Variants in CTNNBL1 observed in about 807,000 individuals in gnomAD.
CTNNBL1 encodes the protein catenin beta like 1, also known as beta-catenin-like protein 1.
CTNNBL1 carries 31 observed loss-of-function variants against 72.7 expected under a neutral mutation model. The observed-to-expected ratio is 0.43, with a 90% CI of 0.32 to 0.58. CTNNBL1 has a LOEUF of 0.58. Ranked by LOEUF, CTNNBL1 falls within the 20% of genes least tolerant of loss-of-function variation. CTNNBL1 has a pLI of 0.08. For missense variants in CTNNBL1, 534 were observed against 725.1 expected (o/e 0.74, Z 3.03); for synonymous variants, 240 against 267.3 (o/e 0.90, Z 1.00).
chr20:37,733,663 C>G (rs2073148911), intron 2 of CTNNBL1, among the ~76,000 whole-genome samples: 2 of 152,204 alleles, frequency 1.3e-5, no homozygotes, highest in Admixed American at 6.5e-5. Flanking sequence ...TCTTCACATT[C>G]AGGTCTCAGT....
intron 3 of CTNNBL1, among the ~76,000 whole-genome samples, chr20:37,741,267 A>C (rs150274272): frequency 1.8e-4 from 27 of 152,296 alleles, no homozygotes; most frequent in African/African-American, 6.3e-4. Flanking sequence ...CTCTGCAAAT[A>C]GTAGTGTGTG....
chr20:37,738,453 C>CA (rs937655225), intron 3 of CTNNBL1, among the ~76,000 whole-genome samples: 7 of 152,232 alleles, frequency 4.6e-5, no homozygotes, highest in Non-Finnish European at 1.5e-5. Context: ...ATCTTTCAGT[C>CA]AGTCTTGAAT....
intron 12 of CTNNBL1, among the ~76,000 whole-genome samples, chr20:37,841,930 A>G (rs2122816561): frequency 6.6e-6 from 1 of 152,302 alleles, no homozygotes; most frequent in East Asian, 1.9e-4. Flanking sequence ...TCTGAACATG[A>G]AAGGTTTCAG....
intron 6 of CTNNBL1, 135 bp from the exon 7 acceptor site, chr20:37,767,818 A>G (rs1289919804): frequency 2.9e-6 from 2 of 680,720 alleles, no homozygotes; most frequent in Non-Finnish European, 5.3e-6. Flanking sequence ...TAATCTGAAA[A>G]TGACAACCCA....
At chr20:37,763,220 GT>G (rs1568769230) in intron 5 of CTNNBL1, among the ~76,000 whole-genome samples, 1 of 152,160 alleles carries the variant, frequency 6.6e-6, no homozygotes, top group African/African-American at 2.4e-5. Context: ...CCCCCCAGAT[GT>G]TTTTCTGTTT....
intron 11 of CTNNBL1, among the ~76,000 whole-genome samples, chr20:37,812,499 A>G (rs1286896878): frequency 6.6e-6 from 1 of 152,228 alleles, no homozygotes; most frequent in Non-Finnish European, 1.5e-5. Context: ...TGGTTATACT[A>G]GCACTTTTCA....
At chr20:37,730,229 A>G (rs2073117937) in intron 1 of CTNNBL1, among the ~76,000 whole-genome samples, 2 of 152,238 alleles carry the variant, frequency 1.3e-5, no homozygotes, top group South Asian at 4.1e-4. Flanking sequence ...GCAGGCTGGC[A>G]GTGAAAGTGG....
chr20:37,763,969 C>T (rs1274878359), intron 5 of CTNNBL1, among the ~76,000 whole-genome samples: 1 of 152,140 alleles, frequency 6.6e-6, no homozygotes, highest in Non-Finnish European at 1.5e-5. Flanking sequence ...TTGGGGTATA[C>T]AAAGATGAAT....
chr20:37,712,845 T>C (rs1418584787), intron 1 of CTNNBL1, among the ~76,000 whole-genome samples: 1 of 152,204 alleles, frequency 6.6e-6, no homozygotes, highest in African/African-American at 2.4e-5. Context: ...GAGGAACAGA[T>C]TTCCTTCCGA....
At chr20:37,714,658 G>T (rs1019787658) in intron 1 of CTNNBL1, among the ~76,000 whole-genome samples, 2 of 152,240 alleles carry the variant, frequency 1.3e-5, no homozygotes, top group African/African-American at 4.8e-5. Flanking sequence ...CAAGTCTACT[G>T]TGGGCCATGA....
intron 11 of CTNNBL1, among the ~76,000 whole-genome samples, chr20:37,814,585 A>G (rs1371106137): frequency 2.6e-5 from 4 of 152,222 alleles, no homozygotes; most frequent in African/African-American, 9.6e-5. Context: ...AGAATGAGAC[A>G]TAAATATGTA....
intron 1 of CTNNBL1, among the ~76,000 whole-genome samples, chr20:37,702,036 A>G (rs1303438646): frequency 6.6e-6 from 1 of 152,140 alleles, no homozygotes; most frequent in East Asian, 1.9e-4. Context: ...GTGTGTTCCA[A>G]TTTTATTACA....
At chr20:37,840,553 C>T (rs1543332) in intron 12 of CTNNBL1, among the ~76,000 whole-genome samples, 10,218 of 152,258 alleles carry the variant, frequency 0.067, 410 homozygotes, top group African/African-American at 0.088. Flanking sequence ...AACCTGTTTT[C>T]GCTGCTTTTG....
chr20:37,695,500 C>CAATAA, intron 1 of CTNNBL1, among the ~76,000 whole-genome samples: 1 of 152,256 alleles, frequency 6.6e-6, no homozygotes, highest in African/African-American at 2.4e-5. Flanking sequence ...CACACTCAGC[C>CAATAA]AATAAAATAT....
At chr20:37,847,642 C>T (rs1274229288) in intron 13 of CTNNBL1, among the ~76,000 whole-genome samples, 1 of 152,110 alleles carries the variant, frequency 6.6e-6, no homozygotes, top group African/African-American at 2.4e-5. Context: ...TGGCTTTTGA[C>T]TGTCAGAAAG....
At chr20:37,700,614 T>G (rs2072832248) in intron 1 of CTNNBL1, among the ~76,000 whole-genome samples, 1 of 152,238 alleles carries the variant, frequency 6.6e-6, no homozygotes, top group Non-Finnish European at 1.5e-5. Flanking sequence ...ACTTTTTTGA[T>G]GCCTTCAGGC....
At chr20:37,797,254 C>T (rs1334794239) in intron 10 of CTNNBL1, among the ~76,000 whole-genome samples, 9 of 151,632 alleles carry the variant, frequency 5.9e-5, no homozygotes, top group Admixed American at 5.2e-4. Context: ...TCATCATGCA[C>T]GTTGTAAAGC....
chr20:37,855,432 C>T (rs539781592), intron 13 of CTNNBL1, among the ~76,000 whole-genome samples: 1 of 152,228 alleles, frequency 6.6e-6, no homozygotes, highest in South Asian at 2.1e-4. Context: ...TATTCATTAA[C>T]CTCATTAGAT....
In CTNNBL1 at chr20:37,728,273, A is replaced by G. The variant is rs118171126; in HGVS notation, c.31-4606A>G. On this transcript the variant is annotated intron_variant, in intron 1 of 15. Coordinates refer to ENST00000361383, the MANE Select transcript of CTNNBL1 (RefSeq NM_030877.5). ...AAAAAGAATGTAAAATAACAAATGA[A>G]TAATTTTTTAATATAGATTACATGT... 2.8e-3 allele frequency among the ~76,000 whole-genome samples: 429 copies of G among 152,344 alleles called. 5 individuals carry two copies. Among genetic ancestry groups the G allele is most frequent in the East Asian group, 0.017 (89 of 5,190 alleles).
Sources: allele counts gnomAD v4.1 joint callset (sites outside exome capture counted in the v4.1 genomes callset), GRCh38; gene constraint gnomAD v4.1.1; transcripts MANE v1.5; gene names NCBI Gene and HGNC (gene_info 2026-07-23, HGNC 2026-07-21).